The following MMP16 variants were observed in gnomAD, a reference collection of about 807,000 sequenced individuals.
The protein encoded by MMP16 is matrix metalloproteinase-16.
MMP16 carries 12 observed loss-of-function variants against 67.8 expected under a neutral mutation model. The ratio of observed to expected loss-of-function variants is 0.18; its 90% CI spans 0.11 to 0.29. MMP16 has a LOEUF of 0.29. Among genes scored for constraint, MMP16 ranks in the 10% least tolerant of loss-of-function variants. The pLI is 1.00. For missense variants in MMP16, 475 were observed against 765.7 expected (o/e 0.62, Z 4.48); for synonymous variants, 249 against 255.9 (o/e 0.97, Z 0.26).
intron 9 of MMP16, among the ~76,000 whole-genome samples, chr8:88,042,464 CT>C (rs1763874440): frequency 6.6e-6 from 1 of 152,154 alleles, no homozygotes; most frequent in South Asian, 2.1e-4. Context: ...AACCTCATTT[CT>C]GGCTCTAGGT....
chr8:88,327,052 G>C, intron 1 of MMP16, 23 bp downstream of exon 1: 1 of 1,613,150 alleles, frequency 6.2e-7, no homozygotes, highest in Non-Finnish European at 8.5e-7. Context: ...GCGGGGGGAG[G>C]AAGAAAGCCC....
chr8:88,163,629 TTG>T (rs1225628710), intron 4 of MMP16, among the ~76,000 whole-genome samples: 1 of 152,092 alleles, frequency 6.6e-6, no homozygotes, highest in African/African-American at 2.4e-5. Flanking sequence ...CTGTAGATGC[TTG>T]TCTAATTAGG....
intron 3 of MMP16, among the ~76,000 whole-genome samples, chr8:88,171,172 C>T (rs905071147): frequency 6.6e-6 from 1 of 152,136 alleles, no homozygotes; most frequent in Non-Finnish European, 1.5e-5. Flanking sequence ...TTGGATTTGA[C>T]AACACATCGC....
chr8:88,071,230 T>C (rs937141814), intron 7 of MMP16, among the ~76,000 whole-genome samples: 78 of 152,270 alleles, frequency 5.1e-4, no homozygotes, highest in African/African-American at 1.8e-3. Context: ...GTTATGTTTA[T>C]GTTTATATCA....
chr8:88,273,491 A>C (rs1352914187), intron 1 of MMP16, among the ~76,000 whole-genome samples: 3 of 152,158 alleles, frequency 2.0e-5, no homozygotes, highest in African/African-American at 7.2e-5. Context: ...AGAGTGATAT[A>C]TCATATATCA....
chr8:88,117,330 T>C (rs1335531953), intron 5 of MMP16, among the ~76,000 whole-genome samples: 1 of 152,164 alleles, frequency 6.6e-6, no homozygotes, highest in Non-Finnish European at 1.5e-5. Context: ...AAAATATTAA[T>C]GTGAAGAAGT....
At chr8:88,211,830 C>T (rs1384150412) in intron 1 of MMP16, among the ~76,000 whole-genome samples, 2 of 152,138 alleles carry the variant, frequency 1.3e-5, no homozygotes, top group Non-Finnish European at 2.9e-5. Flanking sequence ...GCTCAAAACA[C>T]TATGATTGCT....
chr8:88,272,086 C>T (rs1432910182), intron 1 of MMP16, among the ~76,000 whole-genome samples: 1 of 152,138 alleles, frequency 6.6e-6, no homozygotes, highest in African/African-American at 2.4e-5. Context: ...GTTAATGGCA[C>T]ATAGCAAACA....
In MMP16 at chr8:88,305,196, G is replaced by C. The variant is rs7818906; in HGVS notation, c.132+21879C>G. 3.3e-5 allele frequency among the ~76,000 whole-genome samples: 5 copies of C among 152,250 alleles called. No individual in the cohort carries two copies. The South Asian group carries it at 1.0e-3, about 32-fold the overall frequency. ...ACCAACAAAGATCAAAAAATACAAA[G>C]AAGAGCATTACATGATGGTAAATGG... On this transcript the variant is annotated intron_variant, in intron 1 of 9. Coordinates refer to ENST00000286614, the MANE Select transcript of MMP16 (RefSeq NM_005941.5).
At chr8:88,162,365 A>G (rs917312091) in intron 4 of MMP16, among the ~76,000 whole-genome samples, 26 of 152,200 alleles carry the variant, frequency 1.7e-4, no homozygotes, top group African/African-American at 6.3e-4. Flanking sequence ...AAACATATAT[A>G]AATCCTCTGT....
chr8:88,095,921 C>A (rs1181663737), intron 6 of MMP16, among the ~76,000 whole-genome samples: 2 of 151,922 alleles, frequency 1.3e-5, no homozygotes, highest in Admixed American at 1.3e-4. Flanking sequence ...AGAAAGCCAA[C>A]TGTAACTTGT....
chr8:88,113,761 T>C (rs16878625), intron 6 of MMP16, among the ~76,000 whole-genome samples: 16,815 of 151,914 alleles, frequency 0.11, 1,009 homozygotes, highest in East Asian at 0.18. Flanking sequence ...TATGAAGCCT[T>C]TCACCCACGT....
chr8:88,049,816 G>A (rs375730406), intron 8 of MMP16, among the ~76,000 whole-genome samples: 3 of 152,092 alleles, frequency 2.0e-5, no homozygotes, highest in South Asian at 4.1e-4. Flanking sequence ...TTGAGCCCAC[G>A]AGTTTGAGAA....
At chr8:88,200,847 G>A (rs1487542879) in intron 1 of MMP16, among the ~76,000 whole-genome samples, 1 of 151,666 alleles carries the variant, frequency 6.6e-6, no homozygotes, top group East Asian at 1.9e-4. Context: ...ATAAAAAATG[G>A]AGACAGTAGA....
intron 4 of MMP16, among the ~76,000 whole-genome samples, chr8:88,162,684 G>A (rs186317915): frequency 3.6e-4 from 55 of 152,006 alleles, no homozygotes; most frequent in African/African-American, 1.2e-3. Context: ...GGATCATTGG[G>A]GCAGATTTGC....
chr8:88,046,604 T>G, intron 9 of MMP16, 65 bp downstream of exon 9: 1 of 987,324 alleles, frequency 1.0e-6, no homozygotes, highest in East Asian at 2.5e-5. Context: ...TTTAGCAGAG[T>G]GAAAAAGCCT....
intron 1 of MMP16, among the ~76,000 whole-genome samples, chr8:88,223,328 C>G (rs971791276): frequency 6.6e-6 from 1 of 152,048 alleles, no homozygotes; most frequent in African/African-American, 2.4e-5. Flanking sequence ...TTTGACCCAG[C>G]TTACCCATTA....
At chr8:88,274,915 A>T (rs952336963) in intron 1 of MMP16, among the ~76,000 whole-genome samples, 11 of 152,020 alleles carry the variant, frequency 7.2e-5, no homozygotes, top group South Asian at 2.1e-4. Flanking sequence ...TTTCCCAAAA[A>T]GTATCCTGGA....
At chr8:88,111,541 T>A (rs1586157106) in intron 6 of MMP16, among the ~76,000 whole-genome samples, 1 of 151,516 alleles carries the variant, frequency 6.6e-6, no homozygotes, top group Non-Finnish European at 1.5e-5. Context: ...ATAGAGGAGG[T>A]AAGATCAGAG....
Sources: allele counts gnomAD v4.1 joint callset (sites outside exome capture counted in the v4.1 genomes callset), GRCh38; gene constraint gnomAD v4.1.1; transcripts MANE v1.5; gene names NCBI Gene and HGNC (gene_info 2026-07-23, HGNC 2026-07-21).